Variants in SLIT2 observed in about 807,000 individuals in gnomAD.
The protein encoded by SLIT2 is slit guidance ligand 2, also known as slit homolog 2 protein.
SLIT2 carries 41 observed loss-of-function variants against 185.7 expected under a neutral mutation model. That is an observed-to-expected ratio of 0.22 (90% CI 0.17 to 0.29). SLIT2 has a LOEUF of 0.29. Ranked by LOEUF, SLIT2 falls within the 10% of genes least tolerant of loss-of-function variation. The pLI, the probability that SLIT2 is intolerant of heterozygous loss-of-function variation, is 1.00. For synonymous variants in SLIT2, 693 were observed against 680.2 expected (o/e 1.02, Z -0.29); for missense variants, 1,571 against 1,909.0 (o/e 0.82, Z 3.30).
chr4:20,540,100 A>G (rs972185951), intron 19 of SLIT2, among the ~76,000 whole-genome samples: 3 of 152,130 alleles, frequency 2.0e-5, no homozygotes, highest in South Asian at 2.1e-4. Flanking sequence ...CCTGGCCAAC[A>G]TGGCGAATCC....
At position 20,567,773 on chromosome 4, in the gene SLIT2, A is replaced by T; in HGVS notation, c.2948+158A>T. Among the ~76,000 whole-genome samples, 4 of 152,246 alleles carry T rather than the reference A, an allele frequency of 2.6e-5. 1 individual carries two copies. In the Middle Eastern group the frequency reaches 0.014, roughly 518 times the overall value. Reference sequence around the variant, plus strand: ...GTCCCTCTCGTAGATATTGCAATATAAAAAATAAATGGAGACACTACAGCA... The same window carrying T: ...GTCCCTCTCGTAGATATTGCAATATTAAAAATAAATGGAGACACTACAGCA... On this transcript the variant is annotated intron_variant, in intron 28 of 36. Coordinates refer to ENST00000504154, the MANE Select transcript of SLIT2 (RefSeq NM_004787.4).
intron 3 of SLIT2, among the ~76,000 whole-genome samples, chr4:20,258,849 G>A (rs1049765232): frequency 5.3e-5 from 8 of 151,656 alleles, no homozygotes; most frequent in African/African-American, 1.9e-4. Context: ...GTCACTTTAA[G>A]TAAAAATAAT....
In SLIT2 at chr4:20,470,033, G is replaced by T. The variant is rs138938198; in HGVS notation, c.467+2210G>T. Among the ~76,000 whole-genome samples, 924 of 152,112 alleles carry T rather than the reference G, an allele frequency of 6.1e-3. 16 individuals are homozygous for T. Among genetic ancestry groups the T allele is most frequent in the Middle Eastern group, 0.041 (12 of 294 alleles). On this transcript the variant is annotated intron_variant, in intron 5 of 36. Coordinates refer to ENST00000504154, the MANE Select transcript of SLIT2 (RefSeq NM_004787.4). The stretch of plus-strand genomic sequence containing the variant: ...GCCTCCCAAAGTGCTGAGATTACAG[G>T]TGTGAGCCACTGTGCCTGGCCAGTT...
chr4:20,578,048 T>C (rs1278499072), intron 29 of SLIT2, among the ~76,000 whole-genome samples: 1 of 152,188 alleles, frequency 6.6e-6, no homozygotes, highest in Non-Finnish European at 1.5e-5. Context: ...CGGGCTCACA[T>C]CTCAGAACAC....
chr4:20,468,033 A>G (rs1385252716), intron 5 of SLIT2, among the ~76,000 whole-genome samples: 1 of 152,148 alleles, frequency 6.6e-6, no homozygotes, highest in Non-Finnish European at 1.5e-5. Context: ...ACAAGCCATC[A>G]TTAAATTCAT....
intron 4 of SLIT2, among the ~76,000 whole-genome samples, chr4:20,276,052 A>G (rs138486152): frequency 1.3e-5 from 2 of 152,246 alleles, no homozygotes; most frequent in African/African-American, 2.4e-5. Context: ...TAATATGTAC[A>G]TATGATTTGA....
chr4:20,287,746 A>C (rs1577372237), intron 4 of SLIT2, among the ~76,000 whole-genome samples: 1 of 152,192 alleles, frequency 6.6e-6, no homozygotes, highest in East Asian at 1.9e-4. Flanking sequence ...CTAGAATTCA[A>C]GCTACTGGTG....
At position 20,523,794 on chromosome 4, in the gene SLIT2, G is replaced by A. The variant is rs1202398484; in HGVS notation, c.1165G>A (p.Val389Ile). The A allele has an allele frequency of 6.2e-7, 1 of 1,613,898 alleles. No homozygotes were observed. Among genetic ancestry groups the A allele is most frequent in the Non-Finnish European group, 8.5e-7 (1 of 1,179,850 alleles). Residue 389 changes from valine (V) to isoleucine (I), a missense_variant, in exon 13 of 37, where the codon GTA becomes ATA. By Grantham distance (29) the Val-to-Ile change is conservative (BLOSUM62 3). Coordinates refer to ENST00000504154, the MANE Select transcript of SLIT2 (RefSeq NM_004787.4). ...TGCCAACAAGATAAACTGCCTTCGG[G>A]TAGATGCTTTTCAGGATCTCCACAA... The part of the protein sequence containing the change: ...LNANKINCLR[V>I]DAFQDLHNLN...
intron 25 of SLIT2, chr4:20,552,655 C>G (rs1243767471): frequency 2.6e-5 from 4 of 152,130 alleles, no homozygotes; most frequent in Admixed American, 2.6e-4. Flanking sequence ...TCACTACATT[C>G]TGATTCTTAA....
At chr4:20,473,804 A>T (rs1484862815) in intron 5 of SLIT2, among the ~76,000 whole-genome samples, 1 of 152,082 alleles carries the variant, frequency 6.6e-6, no homozygotes, top group Non-Finnish European at 1.5e-5. Context: ...TAGAATCAAT[A>T]TGTAACAAAC....
rs979079004 is a variant in SLIT2 at position 20,312,239 on chromosome 4, C to A, written c.395+43358C>A. 2.0e-5 allele frequency among the ~76,000 whole-genome samples: 3 copies of A among 152,030 alleles called. No individual in the cohort carries two copies. In the East Asian group the frequency reaches 5.8e-4, roughly 29 times the overall value. On this transcript the variant is annotated intron_variant, in intron 4 of 36. Transcript: ENST00000504154. ...GTATGGAAAATTTGAGTTACTCAAC[C>A]AACTCAACTAACTTAGGCATTTTAT...
intron 32 of SLIT2, 114 bp from the exon 33 acceptor site, chr4:20,598,151 T>A (rs1728127721): frequency 1.1e-6 from 1 of 903,942 alleles, no homozygotes; most frequent in African/African-American, 1.8e-5. Context: ...CTCATAGCCA[T>A]CAGGAAAACA....
At chr4:20,338,407 T>C (rs1010145340) in intron 4 of SLIT2, among the ~76,000 whole-genome samples, 8 of 152,164 alleles carry the variant, frequency 5.3e-5, no homozygotes, top group African/African-American at 1.9e-4. Context: ...CCTAAAAGAT[T>C]CAGAAAATGA....
intron 21 of SLIT2, among the ~76,000 whole-genome samples, chr4:20,543,402 A>G (rs1308163738): frequency 6.6e-6 from 1 of 152,148 alleles, no homozygotes; most frequent in African/African-American, 2.4e-5. Flanking sequence ...TGATGCTTCC[A>G]TGCCCCATTC....
Position 20,488,808 on chromosome 4 carries a change from T to C in SLIT2, c.612-11T>C, listed in dbSNP as rs746674433. 1 of 1,562,908 alleles carries C rather than the reference T, an allele frequency of 6.4e-7. No homozygotes were observed. The highest frequency in any genetic ancestry group is 8.7e-7 in the Non-Finnish European group (1 of 1,150,410). On this transcript the variant is annotated splice_polypyrimidine_tract_variant and intron_variant, in intron 7 of 36. Coordinates refer to ENST00000504154, the MANE Select transcript of SLIT2 (RefSeq NM_004787.4). ...GTTTTCTTGCTTTACACTTCTTTTT[T>C]TCTCATTTAGTCGACTGCATTCAAA...
intron 4 of SLIT2, among the ~76,000 whole-genome samples, chr4:20,328,069 G>A (rs758973395): frequency 5.3e-5 from 8 of 152,144 alleles, no homozygotes; most frequent in African/African-American, 1.7e-4. Context: ...TTTAGGGAAC[G>A]TAAGAGTTTC....
At chr4:20,572,794 A>G (rs1268572465) in intron 29 of SLIT2, among the ~76,000 whole-genome samples, 7 of 152,178 alleles carry the variant, frequency 4.6e-5, no homozygotes. Context: ...CCCTTCTTTC[A>G]CTTAATGGGA....
chr4:20,595,464 G>A (rs532012556), intron 30 of SLIT2, among the ~76,000 whole-genome samples: 3 of 77,702 alleles, frequency 3.9e-5, no homozygotes, highest in Non-Finnish European at 7.1e-5. Context: ...TTTGGGCTGT[G>A]GATGTTCACT....
chr4:20,480,490 G>GA (rs1716587259), intron 5 of SLIT2, among the ~76,000 whole-genome samples: 1 of 152,130 alleles, frequency 6.6e-6, no homozygotes, highest in South Asian at 2.1e-4. Context: ...TTATTTACTG[G>GA]AGCTTTCCAA....
Sources: gnomAD v4.1 joint callset for allele counts (sites outside exome capture counted in the v4.1 genomes callset) on GRCh38, gnomAD v4.1.1 for gene constraint, MANE v1.5 for transcripts, NCBI Gene and HGNC (gene_info 2026-07-23, HGNC 2026-07-21) for gene names.